Variants in ROBO2 observed in about 807,000 individuals in gnomAD.
ROBO2 encodes roundabout guidance receptor 2.
Under a neutral mutation model 160.8 loss-of-function variants are expected in ROBO2, and 53 were observed. The ratio of observed to expected loss-of-function variants is 0.33; its 90% CI spans 0.26 to 0.41. The LOEUF (loss-of-function observed/expected upper bound fraction) is 0.41. Among genes scored for constraint, ROBO2 ranks in the 10% least tolerant of loss-of-function variants. The pLI, the probability that ROBO2 is intolerant of heterozygous loss-of-function variation, is 1.00. For synonymous variants in ROBO2, 664 were observed against 611.7 expected (o/e 1.09, Z -1.26); for missense variants, 1,577 against 1,722.4 (o/e 0.92, Z 1.49).
At chr3:76,269,483 A>G (rs1036788764) in intron 2 of ROBO2, among the ~76,000 whole-genome samples, 21 of 151,942 alleles carry the variant, frequency 1.4e-4, no homozygotes, top group African/African-American at 4.8e-4. Flanking sequence ...CCACTAGATG[A>G]TGAACTTCTG....
chr3:76,344,650 G>A (rs2074420408), intron 2 of ROBO2, among the ~76,000 whole-genome samples: 1 of 152,110 alleles, frequency 6.6e-6, no homozygotes, highest in African/African-American at 2.4e-5. Flanking sequence ...AGGAACAAAT[G>A]TCTTACAGGT....
intron 6 of ROBO2, among the ~76,000 whole-genome samples, chr3:77,535,650 T>C (rs1198718226): frequency 2.6e-5 from 4 of 152,160 alleles, no homozygotes; most frequent in Non-Finnish European, 5.9e-5. Context: ...AATTTTATTG[T>C]TTTATTTTTA....
intron 2 of ROBO2, among the ~76,000 whole-genome samples, chr3:77,414,056 T>A (rs1216995100): frequency 1.3e-5 from 2 of 150,852 alleles, no homozygotes; most frequent in African/African-American, 4.9e-5. Context: ...TTTTTAAAGA[T>A]TAAGAAGATG....
intron 2 of ROBO2, among the ~76,000 whole-genome samples, chr3:77,019,312 AAGGC>A (rs780810809): frequency 2.0e-5 from 3 of 152,130 alleles, no homozygotes; most frequent in Non-Finnish European, 4.4e-5. Context: ...TGGAAGGGGC[AAGGC>A]AGCTCTGTGT....
At chr3:76,909,147 G>A (rs527635114) in intron 2 of ROBO2, among the ~76,000 whole-genome samples, 2 of 152,246 alleles carry the variant, frequency 1.3e-5, no homozygotes, top group African/African-American at 4.8e-5. Context: ...GCATTGCCTT[G>A]AGCCCAGGGT....
intron 2 of ROBO2, among the ~76,000 whole-genome samples, chr3:77,247,562 T>C (rs144244651): frequency 1.2e-3 from 185 of 152,306 alleles, no homozygotes; most frequent in African/African-American, 4.4e-3. Context: ...ACAAATACAG[T>C]GGCTCCTCCT....
chr3:76,966,836 G>C (rs1003005090), intron 2 of ROBO2, among the ~76,000 whole-genome samples: 1 of 152,142 alleles, frequency 6.6e-6, no homozygotes, highest in East Asian at 1.9e-4. Flanking sequence ...GTTTACAATA[G>C]GTTCAAAAAC....
chr3:77,201,576 G>A (rs555014023), intron 2 of ROBO2, among the ~76,000 whole-genome samples: 2 of 152,238 alleles, frequency 1.3e-5, no homozygotes, highest in African/African-American at 4.8e-5. Context: ...TACATTTGAA[G>A]ATATAATATC....
chr3:76,213,111 C>T (rs1055003118), intron 2 of ROBO2, among the ~76,000 whole-genome samples: 9 of 151,982 alleles, frequency 5.9e-5, no homozygotes, highest in African/African-American at 2.2e-4. Flanking sequence ...TGTACAGAGG[C>T]ATAGGGAAAG....
intron 2 of ROBO2, among the ~76,000 whole-genome samples, chr3:77,326,093 T>C (rs942377929): frequency 6.6e-6 from 1 of 152,214 alleles, no homozygotes; most frequent in African/African-American, 2.4e-5. Context: ...AAATACTCAC[T>C]GAATGAAAAA....
intron 2 of ROBO2, among the ~76,000 whole-genome samples, chr3:76,187,774 T>C (rs547662388): frequency 1.3e-5 from 2 of 152,232 alleles, no homozygotes; most frequent in Non-Finnish European, 2.9e-5. Flanking sequence ...TCTTTTTACC[T>C]CTTCTCTTGG....
intron 2 of ROBO2, among the ~76,000 whole-genome samples, chr3:76,949,960 C>A (rs1253527026): frequency 4.6e-5 from 7 of 152,146 alleles, no homozygotes; most frequent in Admixed American, 4.6e-4. Flanking sequence ...TCTCATAAAC[C>A]ATCTCATTAG....
intron 2 of ROBO2, among the ~76,000 whole-genome samples, chr3:76,827,246 T>G (rs1031919397): frequency 6.6e-6 from 1 of 152,160 alleles, no homozygotes; most frequent in Non-Finnish European, 1.5e-5. Context: ...CTTAACATAA[T>G]TAACTGAGTT....
intron 2 of ROBO2, among the ~76,000 whole-genome samples, chr3:76,764,486 T>C (rs2061472449): frequency 6.6e-6 from 1 of 151,738 alleles, no homozygotes; most frequent in Non-Finnish European, 1.5e-5. Flanking sequence ...TGAGTTACAG[T>C]ATTAATATTA....
At chr3:77,298,186 T>A (rs1305303837) in intron 2 of ROBO2, among the ~76,000 whole-genome samples, 1 of 152,128 alleles carries the variant, frequency 6.6e-6, no homozygotes, top group East Asian at 1.9e-4. Flanking sequence ...ATGAATTGAA[T>A]AATATTCACA....
At chr3:77,496,397 A>G (rs1019892463) in intron 5 of ROBO2, among the ~76,000 whole-genome samples, 4 of 152,136 alleles carry the variant, frequency 2.6e-5, no homozygotes, top group African/African-American at 9.7e-5. Context: ...ATTTGTATGT[A>G]TTAGCATAAG....
intron 2 of ROBO2, among the ~76,000 whole-genome samples, chr3:76,651,018 C>T (rs2109878886): frequency 6.6e-6 from 1 of 152,242 alleles, no homozygotes; most frequent in East Asian, 1.9e-4. Flanking sequence ...TTTTATTAGT[C>T]AGAAGCCTTA....
In ROBO2 at chr3:76,607,407, T is replaced by C. The variant is rs149480872; in HGVS notation, c.110-490607T>C. On this transcript the variant is annotated intron_variant, in intron 2 of 26. Coordinates refer to the ROBO2 transcript ENST00000487694. Reference sequence around the variant, plus strand: ...TATTTCTCAGACATTTTCCCCAATATTTTGATTAGTGTGCTGTGGCAAATA... The same window carrying C: ...TATTTCTCAGACATTTTCCCCAATACTTTGATTAGTGTGCTGTGGCAAATA... Among the ~76,000 whole-genome samples the C allele has an allele frequency of 1.1e-3, 171 of 152,362 alleles. 2 individuals are homozygous for C. In the East Asian group the frequency reaches 0.03, roughly 26 times the overall value.
At chr3:76,998,834 A>G (rs979588918) in intron 2 of ROBO2, among the ~76,000 whole-genome samples, 7 of 152,300 alleles carry the variant, frequency 4.6e-5, no homozygotes, top group Middle Eastern at 3.4e-3. Flanking sequence ...AGGCTTGCCA[A>G]GTATATTGAG....
Sources: gnomAD v4.1 joint callset for allele counts (sites outside exome capture counted in the v4.1 genomes callset) on GRCh38, gnomAD v4.1.1 for gene constraint, MANE v1.5 for transcripts, NCBI Gene and HGNC (gene_info 2026-07-23, HGNC 2026-07-21) for gene names.